Variants in FBXL5 observed in about 807,000 individuals in gnomAD.
FBXL5 encodes F-box and leucine rich repeat protein 5, also known as F-box/LRR-repeat protein 5.
A neutral mutation model predicts 78.3 loss-of-function variants in FBXL5; 26 were observed. That is an observed-to-expected ratio of 0.33 (90% CI 0.24 to 0.46). The LOEUF is 0.46. Ranked by LOEUF, FBXL5 falls within the 20% of genes least tolerant of loss-of-function variation. FBXL5 has a pLI of 1.00. For synonymous variants in FBXL5, 295 were observed against 282.5 expected (o/e 1.04, Z -0.45); for missense variants, 710 against 829.2 (o/e 0.86, Z 1.77).
At chr4:15,651,014 T>C (rs930395927) in intron 1 of FBXL5, among the ~76,000 whole-genome samples, 2 of 152,194 alleles carry the variant, frequency 1.3e-5, no homozygotes, top group Non-Finnish European at 2.9e-5. Flanking sequence ...AAAAGTGGTA[T>C]GTCACTTAAA....
intron 2 of FBXL5, chr4:15,641,378 C>T: frequency 2.9e-6 from 1 of 344,874 alleles, no homozygotes. Flanking sequence ...CAAGACCAAC[C>T]CCACCTCTTC....
At chr4:15,648,709 G>T (rs1232976791) in intron 1 of FBXL5, among the ~76,000 whole-genome samples, 1 of 152,150 alleles carries the variant, frequency 6.6e-6, no homozygotes, top group East Asian at 1.9e-4. Context: ...GTTGGGGCAG[G>T]GGATGGAGAA....
At position 15,634,390 on chromosome 4, in the gene FBXL5, G is replaced by A. The variant is rs141685425; in HGVS notation, c.766+2104C>T. ...TTTTTTGTTTTGTTTTTTTTGAGAC[G>A]GAGTCTCACTCTGTTGCCCAGGCTG... On this transcript the variant is annotated intron_variant, in intron 5 of 10. Coordinates refer to ENST00000341285, the MANE Select transcript of FBXL5 (RefSeq NM_012161.4). Among the ~76,000 whole-genome samples, 393 of 151,482 alleles carry A rather than the reference G, an allele frequency of 2.6e-3. 3 individuals are homozygous for A. The highest frequency in any genetic ancestry group is 9.0e-3 in the African/African-American group (371 of 41,268).
intron 1 of FBXL5, among the ~76,000 whole-genome samples, chr4:15,668,917 C>T (rs1717652395): frequency 6.6e-6 from 1 of 152,140 alleles, no homozygotes; most frequent in Non-Finnish European, 1.5e-5. Flanking sequence ...AACACAGTAG[C>T]TCATTTACTT....
In FBXL5 at chr4:15,625,710, G is replaced by A. The variant is rs746399877; in HGVS notation, c.1392C>T (p.Pro464=). 4 of 1,614,214 alleles carry A rather than the reference G, an allele frequency of 2.5e-6. No homozygotes were observed. In the South Asian group the frequency reaches 3.3e-5, roughly 13 times the overall value. Residue 464 remains proline (P), a synonymous_variant, in exon 9 of 11, where the codon CCC becomes CCT. Transcript: ENST00000341285. The part of the protein sequence containing the change: ...GIGEEIDNEH[P]WTKPVSSENF... ...TCTCAGAAGAAACAGGCTTAGTCCA[G>A]GGGTGTTCATTATCTATTTCTTCTC...
Position 15,605,501 on chromosome 4 carries a change from T to A in FBXL5, c.*222A>T. 2.1e-6 allele frequency: 1 copy of A among 485,664 alleles called. No homozygotes were observed. The allele number at this position is 485,664 out of a possible 1,614,324, so 30.1% of individuals were successfully genotyped here. Reference sequence around the variant, plus strand: ...GAAAAATGTAAGACTGTTCTCACCCTTTTGAAAAGACCTAATCCCTTTCTA... The same window carrying A: ...GAAAAATGTAAGACTGTTCTCACCCATTTGAAAAGACCTAATCCCTTTCTA... On this transcript the variant is annotated 3_prime_UTR_variant, in exon 11 of 11. Coordinates refer to ENST00000341285, the MANE Select transcript of FBXL5 (RefSeq NM_012161.4).
intron 6 of FBXL5, among the ~76,000 whole-genome samples, chr4:15,630,443 A>G (rs1455675891): frequency 2.0e-5 from 3 of 152,168 alleles, no homozygotes; most frequent in Admixed American, 2.0e-4. Context: ...CTGATTTTTG[A>G]TTTTAATATA....
At chr4:15,679,766 TA>T (rs553579071) in intron 1 of FBXL5, among the ~76,000 whole-genome samples, 269 of 142,452 alleles carry the variant, frequency 1.9e-3, no homozygotes, top group Admixed American at 1.8e-3. Context: ...CCAATCCCCC[TA>T]AAAAAAAAAA....
intron 2 of FBXL5, among the ~76,000 whole-genome samples, chr4:15,641,100 T>C (rs1714824896): frequency 6.6e-6 from 1 of 152,100 alleles, no homozygotes; most frequent in Non-Finnish European, 1.5e-5. Context: ...TAAAATATCA[T>C]AAAAAGTCTA....
At chr4:15,677,303 A>C (rs903405410) in intron 1 of FBXL5, among the ~76,000 whole-genome samples, 2 of 152,152 alleles carry the variant, frequency 1.3e-5, no homozygotes, top group Non-Finnish European at 2.9e-5. Flanking sequence ...TGGTTCCTGG[A>C]AGAAAGCTCC....
chr4:15,638,144 G>T (rs185922797), intron 4 of FBXL5, among the ~76,000 whole-genome samples: 5 of 152,302 alleles, frequency 3.3e-5, no homozygotes, highest in Admixed American at 1.3e-4. Flanking sequence ...TCAGGAAGCA[G>T]GATGATATCG....
rs1252006258 is a variant in FBXL5 at position 15,646,749 on chromosome 4, T to C, written c.85-2041A>G. Among the ~76,000 whole-genome samples the C allele has an allele frequency of 3.0e-5, 4 of 135,344 alleles. No homozygotes were observed. In the East Asian group the frequency reaches 7.1e-4, roughly 24 times the overall value. 88.8% of individuals were successfully genotyped at this position (135,344 alleles called of 152,430 possible). A position where few individuals can be genotyped will look rare whatever the true frequency, so the allele number is the denominator to read the frequency against. On this transcript the variant is annotated intron_variant, in intron 1 of 10. Transcript: ENST00000341285. ...TGTGATGTTCCCCTTCCCACGTCCA[T>C]GTTGTTCTCATTGTTCAATTCCCAC...
chr4:15,628,789 G>GCACGCACA (rs1713331595), intron 6 of FBXL5, among the ~76,000 whole-genome samples: 2 of 21,228 alleles, frequency 9.4e-5, no homozygotes, highest in African/African-American at 1.8e-4. Flanking sequence ...ACACACACAC[G>GCACGCACA]CACACACACA....
intron 3 of FBXL5, among the ~76,000 whole-genome samples, chr4:15,639,121 G>A (rs548046921): frequency 4.6e-5 from 7 of 152,304 alleles, no homozygotes; most frequent in South Asian, 2.1e-4. Flanking sequence ...CCGATATTGC[G>A]CCATTGCACT....
At chr4:15,620,629 A>G (rs187486631) in intron 9 of FBXL5, among the ~76,000 whole-genome samples, 4 of 152,380 alleles carry the variant, frequency 2.6e-5, no homozygotes, top group Non-Finnish European at 1.5e-5. Context: ...TAAAAGGTCT[A>G]TTGTTGGGAG....
rs145966119 is a variant in FBXL5, at chr4:15,680,738, C to T, written c.-284+645G>A. Among the ~76,000 whole-genome samples, 184 of 151,766 alleles carry T rather than the reference C, an allele frequency of 1.2e-3. 1 individual carries two copies. The highest frequency in any genetic ancestry group is 3.9e-3 in the African/African-American group (163 of 41,458). The stretch of plus-strand genomic sequence containing the variant: ...ATTTTTAAAAATTTGACTGTGTAAT[C>T]CTACAAGAAGTAAGTAGCTTGAGAA... On this transcript the variant is annotated intron_variant, in intron 1 of 4. Coordinates refer to the FBXL5 transcript ENST00000507899.
intron 6 of FBXL5, among the ~76,000 whole-genome samples, chr4:15,630,360 T>TA (rs3842012): frequency 0.091 from 13,869 of 152,202 alleles, 759 homozygotes; most frequent in Non-Finnish European, 0.12. Context: ...GAAGTGGTGC[T>TA]AAAATCACAT....
intron 1 of FBXL5, among the ~76,000 whole-genome samples, chr4:15,666,233 C>T (rs1248255582): frequency 6.6e-6 from 1 of 151,886 alleles, no homozygotes; most frequent in African/African-American, 2.4e-5. Flanking sequence ...ACTCCACCAC[C>T]ACAAAAAGTT....
intron 8 of FBXL5, among the ~76,000 whole-genome samples, chr4:15,626,491 T>C (rs1414391186): frequency 6.6e-6 from 1 of 152,170 alleles, no homozygotes; most frequent in Non-Finnish European, 1.5e-5. Flanking sequence ...GGGAAGAAGG[T>C]GGCTTGAAGA....
Sources: gnomAD v4.1 joint callset for allele counts (sites outside exome capture counted in the v4.1 genomes callset) on GRCh38, gnomAD v4.1.1 for gene constraint, MANE v1.5 for transcripts, NCBI Gene and HGNC (gene_info 2026-07-23, HGNC 2026-07-21) for gene names.